Variants in ZDHHC6 observed in about 807,000 individuals in gnomAD.
ZDHHC6 encodes zDHHC palmitoyltransferase 6.
ZDHHC6 carries 32 observed loss-of-function variants against 57.8 expected under a neutral mutation model. That is an observed-to-expected ratio of 0.55 (90% CI 0.42 to 0.74). The LOEUF (loss-of-function observed/expected upper bound fraction) is 0.74, where lower values mean the gene tolerates loss of function less well. Ranked by LOEUF, ZDHHC6 falls within the 30% of genes least tolerant of loss-of-function variation. The pLI, the probability that ZDHHC6 is intolerant of heterozygous loss-of-function variation, is 0.00. For synonymous variants in ZDHHC6, 128 were observed against 158.0 expected (o/e 0.81, Z 1.42); for missense variants, 433 against 500.7 (o/e 0.86, Z 1.29).
exon 12 of ZDHHC6, chr10:112,425,151 A>G (rs1564745743): frequency 2.0e-6 from 1 of 490,754 alleles, no homozygotes; most frequent in Non-Finnish European, 3.6e-6. Context: ...TACAGTAAAG[A>G]CAGGTTCTTG....
intron 4 of ZDHHC6, among the ~76,000 whole-genome samples, chr10:112,441,636 GT>G (rs1846125501): frequency 6.6e-6 from 1 of 152,218 alleles, no homozygotes; most frequent in Non-Finnish European, 1.5e-5. Flanking sequence ...AGACTCTCCA[GT>G]TTGGCAGTCC....
intron 7 of ZDHHC6, 46 bp from the exon 8 acceptor site, chr10:112,433,327 A>G (rs756396006): frequency 1.4e-6 from 2 of 1,472,320 alleles, no homozygotes; most frequent in South Asian, 1.4e-5. Flanking sequence ...TCTTGTCTCA[A>G]TGTTGAAAAA....
At chr10:112,425,457 T>G (rs1844632623), downstream of ZDHHC6, 4 of 1,612,864 alleles carry the variant, frequency 2.5e-6, no homozygotes, top group South Asian at 2.2e-5. Flanking sequence ...TGTTACAAAT[T>G]TTTGTACACG....
At chr10:112,438,968 G>C (rs1245597847) in intron 5 of ZDHHC6, among the ~76,000 whole-genome samples, 1 of 152,094 alleles carries the variant, frequency 6.6e-6, no homozygotes, top group African/African-American at 2.4e-5. Context: ...CTAAATTAGA[G>C]GCATTGGGGA....
chr10:112,439,298 A>G (rs1356151974), intron 5 of ZDHHC6, among the ~76,000 whole-genome samples: 15 of 152,182 alleles, frequency 9.9e-5, no homozygotes, highest in Non-Finnish European at 1.6e-4. Context: ...TAGGCCTTCA[A>G]TGAATGAATG....
At chr10:112,443,045 G>C (rs1386344101) in intron 3 of ZDHHC6, among the ~76,000 whole-genome samples, 1 of 152,100 alleles carries the variant, frequency 6.6e-6, no homozygotes, top group African/African-American at 2.4e-5. Flanking sequence ...TTTCTTCTAA[G>C]TTTTTGATAT....
In ZDHHC6 at chr10:112,438,327, A is replaced by T; in HGVS notation, c.735+9T>A. ...TTTTAATATTGAAGAAACAATTATT[A>T]AAATTTACCTTCTCTTCAATCCATG... On this transcript the variant is annotated intron_variant, in intron 6 of 10. Transcript: ENST00000369405. 2.3e-6 allele frequency: 3 copies of T among 1,312,018 alleles called. No individual in the cohort carries two copies. Among genetic ancestry groups the T allele is most frequent in the Non-Finnish European group, 3.0e-6 (3 of 990,106 alleles). 81.3% of individuals were successfully genotyped at this position (1,312,018 alleles called of 1,614,324 possible).
downstream of ZDHHC6, chr10:112,428,392 T>G (rs997276234): frequency 2.5e-6 from 1 of 398,624 alleles, no homozygotes; most frequent in African/African-American, 2.1e-5. Flanking sequence ...GTTGTGGTGT[T>G]TCTTTCCTCA....
intron 7 of ZDHHC6, 28 bp from the exon 8 acceptor site, chr10:112,433,309 A>G: frequency 1.3e-6 from 2 of 1,546,364 alleles, no homozygotes; most frequent in Non-Finnish European, 1.7e-6. Context: ...AAAGAAAAAA[A>G]TGAAGTCTCT....
intron 6 of ZDHHC6, among the ~76,000 whole-genome samples, chr10:112,436,291 A>C (rs1184171753): frequency 6.6e-6 from 1 of 152,202 alleles, no homozygotes; most frequent in Non-Finnish European, 1.5e-5. Context: ...CCTGGCCAAC[A>C]TGGTGAAAGC....
intron 10 of ZDHHC6, 118 bp from the exon 11 acceptor site, chr10:112,431,025 C>T: frequency 1.3e-6 from 1 of 781,406 alleles, no homozygotes; most frequent in Non-Finnish European, 2.1e-6. Flanking sequence ...TTATTCCCCA[C>T]TTTGCTATCT....
upstream of ZDHHC6, chr10:112,447,052 A>G: frequency 3.2e-6 from 1 of 316,764 alleles, no homozygotes; most frequent in Non-Finnish European, 6.2e-6. Flanking sequence ...AAGGGGGGAA[A>G]AAACGCTTCT....
chr10:112,427,364 G>A (rs1844773395), downstream of ZDHHC6: 2 of 1,607,936 alleles, frequency 1.2e-6, no homozygotes, highest in African/African-American at 2.7e-5. Context: ...ATTAGGATAA[G>A]GTACTTAAGT....
upstream of ZDHHC6, chr10:112,447,021 G>C: frequency 1.1e-5 from 3 of 274,400 alleles, no homozygotes; most frequent in South Asian, 7.1e-5. Flanking sequence ...GTGTGGATCC[G>C]GAGCCGATTC....
chr10:112,447,310 G>T (rs1270823509), upstream of ZDHHC6: 9 of 1,548,748 alleles, frequency 5.8e-6, no homozygotes, highest in East Asian at 1.9e-4. Context: ...GGGGCCCCTC[G>T]CTGCCCCTCG....
chr10:112,428,907 C>G (rs540423830), downstream of ZDHHC6, among the ~76,000 whole-genome samples: 1 of 152,194 alleles, frequency 6.6e-6, no homozygotes, highest in South Asian at 2.1e-4. Context: ...AGTCTGCGAA[C>G]AGGTTAGTGA....
downstream of ZDHHC6, chr10:112,426,907 G>A (rs1291819027): frequency 6.8e-7 from 1 of 1,464,676 alleles, no homozygotes; most frequent in African/African-American, 1.4e-5. Flanking sequence ...AGAAAGTTTT[G>A]TTTAAAGTTT....
chr10:112,434,211 A>C (rs1845300377), intron 7 of ZDHHC6, 86 bp downstream of exon 7: 1 of 1,323,706 alleles, frequency 7.6e-7, no homozygotes, highest in African/African-American at 1.5e-5. Flanking sequence ...TACTTATTTT[A>C]CTACAAAATG....
chr10:112,438,643 A>C (rs1489550879), intron 5 of ZDHHC6, among the ~76,000 whole-genome samples: 1 of 152,060 alleles, frequency 6.6e-6, no homozygotes, highest in African/African-American at 2.4e-5. Flanking sequence ...CTAGTATGTT[A>C]ATCAAACTTT....
Sources: allele counts gnomAD v4.1 joint callset (sites outside exome capture counted in the v4.1 genomes callset), GRCh38; gene constraint gnomAD v4.1.1; transcripts MANE v1.5; gene names NCBI Gene and HGNC (gene_info 2026-07-23, HGNC 2026-07-21).